The following TNK2 variants were observed in gnomAD, a reference collection of about 807,000 sequenced individuals.
TNK2 encodes the protein activated CDC42 kinase 1.
In TNK2, 83 loss-of-function variants were observed where a neutral mutation model predicts 101.8. The observed-to-expected ratio is 0.82, with a 90% CI of 0.68 to 0.98. The LOEUF (loss-of-function observed/expected upper bound fraction) is 0.98. Ranked by LOEUF, TNK2 falls within the 50% of genes least tolerant of loss-of-function variation. The pLI is 0.00. For synonymous variants in TNK2, 804 were observed against 633.0 expected (o/e 1.27, Z -4.06); for missense variants, 1,665 against 1,483.2 (o/e 1.12, Z -2.01).
intron 1 of TNK2, among the ~76,000 whole-genome samples, chr3:195,902,943 T>G (rs543183704): frequency 6.6e-6 from 1 of 151,834 alleles, no homozygotes; most frequent in Admixed American, 6.6e-5. Flanking sequence ...AGAGACAAGG[T>G]TTCACCATGT....
chr3:195,872,234 CGA>C, intron 10 of TNK2, 40 bp downstream of exon 10: 2 of 1,607,688 alleles, frequency 1.2e-6, no homozygotes, highest in South Asian at 2.2e-5. Context: ...CCTGGAGTCC[CGA>C]GCGGGGCCAG....
chr3:195,897,794 G>A (rs1177093089), intron 1 of TNK2, among the ~76,000 whole-genome samples: 6 of 119,798 alleles, frequency 5.0e-5, no homozygotes, highest in Admixed American at 3.6e-4. Context: ...GAGCCACTGC[G>A]CCTGCCCACC....
At chr3:195,892,423 TC>T (rs1213084620) in intron 1 of TNK2, 3 of 1,534,950 alleles carry the variant, frequency 2.0e-6, no homozygotes, top group Non-Finnish European at 2.6e-6. Context: ...TGTACAGGCG[TC>T]GCCGCAGTCT....
rs1274295834 is a variant in TNK2 at position 195,867,576 on chromosome 3, G to T, written c.2722C>A (p.Leu908Met). 1 of 1,581,692 alleles carries T rather than the reference G, an allele frequency of 6.3e-7. No individual in the cohort carries two copies. ...GCTGGGGTGCTGGGTGGGGGCAGCA[G>T]CAGAGGCACAGGCAGGGGGGTAGGC... ...EEPTPLPVPLLLPPPSTPAPA... is the reference protein window; with the variant it reads ...EEPTPLPVPLMLPPPSTPAPA... The change falls in exon 13 of 16, where the codon CTG becomes ATG. Residue 908 changes from leucine (L) to methionine (M), a missense_variant. This residue lies in a region of TNK2 where 1,136 missense variants were observed against 894.9 expected (regional missense o/e 1.27). Transcript: ENST00000672887.
rs1199343047 is a variant in TNK2, at chr3:195,863,658, C to G, written c.*523G>C. On this transcript the variant is annotated 3_prime_UTR_variant, in exon 16 of 16. Transcript: ENST00000672887. ...AGGCCAGCCAAGTCCCATTCAAGTC[C>G]ATGGTAAGGCCACAAGTCACATTCT... 1.3e-5 allele frequency: 2 copies of G among 154,418 alleles called. No homozygotes were observed. Among genetic ancestry groups the G allele is most frequent in the African/African-American group, 4.8e-5 (2 of 41,514 alleles). The allele number at this position is 154,418 out of a possible 1,614,324, so 9.6% of individuals were successfully genotyped here.
chr3:195,895,049 G>C (rs1009387905), intron 1 of TNK2, among the ~76,000 whole-genome samples: 3 of 152,178 alleles, frequency 2.0e-5, no homozygotes, highest in Non-Finnish European at 2.9e-5. Flanking sequence ...GGGGATCCAT[G>C]CACACACAGG....
intron 1 of TNK2, chr3:195,895,663 C>G: frequency 3.3e-6 from 4 of 1,208,062 alleles, no homozygotes; most frequent in Non-Finnish European, 4.2e-6. Context: ...CGGAACCGGG[C>G]TCCACTCAGC....
intron 1 of TNK2, chr3:195,892,580 C>G (rs1759016297): frequency 6.8e-7 from 1 of 1,475,286 alleles, no homozygotes; most frequent in Admixed American, 2.2e-5. Context: ...CCCCCAAATC[C>G]CACACCAGGG....
rs1005184626 is a variant in TNK2, at chr3:195,887,186, C to A, written c.164-139G>T. On this transcript the variant is annotated intron_variant, in intron 2 of 15. Coordinates refer to ENST00000672887, the MANE Select transcript of TNK2 (RefSeq NM_001382273.1). ...TAGCAATGAAATCAACCCCAACTAA[C>A]CCGGAGCCTCAACTGACCGACGGTC... 7 of 800,174 alleles carry A rather than the reference C, an allele frequency of 8.7e-6. No homozygotes were observed. The African/African-American group carries it at 1.0e-4, about 12-fold the overall frequency. The allele number at this position is 800,174 out of a possible 1,614,324, so 49.6% of individuals were successfully genotyped here. A position where few individuals can be genotyped will look rare whatever the true frequency, so the allele number is the denominator to read the frequency against.
intron 1 of TNK2, among the ~76,000 whole-genome samples, chr3:195,904,682 T>C (rs1761551380): frequency 6.6e-6 from 1 of 152,184 alleles, no homozygotes; most frequent in Non-Finnish European, 1.5e-5. Flanking sequence ...ATATTATGTA[T>C]ATTTTACCAC....
chr3:195,890,513 T>C (rs1757984380), intron 1 of TNK2, among the ~76,000 whole-genome samples: 1 of 150,060 alleles, frequency 6.7e-6, no homozygotes, highest in Non-Finnish European at 1.5e-5. Flanking sequence ...TACAATGGTA[T>C]GATCTTGGCT....
At chr3:195,879,877 A>T (rs1370371430) in intron 6 of TNK2, among the ~76,000 whole-genome samples, 4 of 152,142 alleles carry the variant, frequency 2.6e-5, no homozygotes, top group African/African-American at 9.7e-5. Flanking sequence ...CGCCCACTTC[A>T]TCGTGCTGTT....
intron 1 of TNK2, among the ~76,000 whole-genome samples, chr3:195,906,212 T>C (rs969832324): frequency 1.3e-5 from 2 of 152,198 alleles, no homozygotes; most frequent in African/African-American, 2.4e-5. Context: ...AGAACTCTCA[T>C]ACACAGTGGA....
chr3:195,868,131 G>A lies in TNK2; in HGVS notation c.2167C>T (p.Gln723Ter), dbSNP rs1457427373. The change falls in exon 13 of 16, where the codon CAG becomes TAG. Residue 723 changes from glutamine (Q) to a stop codon, truncating the protein, a stop_gained. Coordinates refer to ENST00000672887, the MANE Select transcript of TNK2 (RefSeq NM_001382273.1). LOFTEE classifies it high-confidence loss of function. ...CTCATGCACTCCTGCTGTAGCGCCT[G>A]GAAGATCTCTGCGGTCTGTGCGGAG... ...PSSAQTAEIF[Q>*]ALQQECMRQL... 1 of 1,611,672 alleles carries A rather than the reference G, an allele frequency of 6.2e-7. No individual in the cohort carries two copies. The highest frequency in any genetic ancestry group is 8.5e-7 in the Non-Finnish European group (1 of 1,179,510).
At position 195,868,178 on chromosome 3, in the gene TNK2, TG is replaced by T; in HGVS notation, c.2119del (p.Gln707ArgfsTer24). 1 of 1,609,868 alleles carries T rather than the reference TG, an allele frequency of 6.2e-7. No homozygotes were observed. Among genetic ancestry groups the T allele is most frequent in the Non-Finnish European group, 8.5e-7 (1 of 1,178,834 alleles). On this transcript the variant is annotated frameshift_variant, in exon 13 of 16. Coordinates refer to ENST00000672887, the MANE Select transcript of TNK2 (RefSeq NM_001382273.1). LOFTEE classifies it high-confidence loss of function. Reference sequence around the variant, plus strand: ...GGAGCTGGGCGGCTTGCCCCCACCCTGGGGCGGGAGGAACAGGTTGTCCTCC... The same window carrying T: ...GGAGCTGGGCGGCTTGCCCCCACCCTGGGCGGGAGGAACAGGTTGTCCTCC... ...PLEDNLFLPP[Q>X]GGGKPPSSAQ...
chr3:195,889,943 A>G (rs535626726), intron 1 of TNK2, among the ~76,000 whole-genome samples: 1 of 152,182 alleles, frequency 6.6e-6, no homozygotes, highest in Non-Finnish European at 1.5e-5. Context: ...CCTCCTCCCC[A>G]GCTCCCATCA....
At position 195,864,071 on chromosome 3, in the gene TNK2, G is replaced by T; in HGVS notation, c.*110C>A. ...TGGCCTTGCTCCATCCCCGGGAGCA[G>T]CAGGAGCAGCGGGTCCTCCAGGACT... On this transcript the variant is annotated 3_prime_UTR_variant, in exon 16 of 16. Coordinates refer to ENST00000672887, the MANE Select transcript of TNK2 (RefSeq NM_001382273.1). 1.4e-6 allele frequency: 2 copies of T among 1,475,330 alleles called. No individual in the cohort carries two copies. Among genetic ancestry groups the T allele is most frequent in the Non-Finnish European group, 1.9e-6 (2 of 1,065,450 alleles). 91.4% of individuals were successfully genotyped at this position (1,475,330 alleles called of 1,614,324 possible). A position where few individuals can be genotyped will look rare whatever the true frequency, so the allele number is the denominator to read the frequency against.
chr3:195,883,201 G>A lies in TNK2; in HGVS notation c.565C>T (p.Leu189Phe), dbSNP rs1475943349. The change falls in exon 5 of 16, where the codon CTC (leucine) becomes TTC (phenylalanine). Residue 189 changes from leucine to phenylalanine, a missense_variant. By Grantham distance (22) the Leu-to-Phe change is conservative. Coordinates refer to ENST00000672887, the MANE Select transcript of TNK2 (RefSeq NM_001382273.1). ...AGCACCACCCCGTAGAGGCGGATGA[G>A]GTTTCGGTGGTCGAGCGAGTGCATG... ...NAMHSLDHRN[L>F]IRLYGVVLTP... is the part of the protein sequence containing the mutation. 6 of 1,610,026 alleles carry A rather than the reference G, an allele frequency of 3.7e-6. No individual in the cohort carries two copies. Among genetic ancestry groups the A allele is most frequent in the Non-Finnish European group, 5.1e-6 (6 of 1,180,006 alleles).
rs1387615483 is a variant in TNK2 at position 195,868,634 on chromosome 3, G to C, written c.1664C>G (p.Pro555Arg). Residue 555 changes from proline (P) to arginine (R), a missense_variant, in exon 13 of 16, where the codon CCA becomes CGA. By Grantham distance (103) the Pro-to-Arg change is moderately radical. Coordinates refer to ENST00000672887, the MANE Select transcript of TNK2 (RefSeq NM_001382273.1). ...CAGCCACAGCCCTCGGGGCAGGCCTGGCTTCCGCAGGCCCAGCCTCTTGAA... is the reference window on the plus strand; with the variant it reads ...CAGCCACAGCCCTCGGGGCAGGCCTCGCTTCCGCAGGCCCAGCCTCTTGAA... ...SDFKRLGLRKPGLPRGLWLAK... is the reference protein window; with the variant it reads ...SDFKRLGLRKRGLPRGLWLAK... The C allele has an allele frequency of 6.3e-7, 1 of 1,593,300 alleles. No individual in the cohort carries two copies. The highest frequency in any genetic ancestry group is 1.3e-5 in the African/African-American group (1 of 74,454).
Sources: allele counts gnomAD v4.1 joint callset (sites outside exome capture counted in the v4.1 genomes callset), GRCh38; gene constraint gnomAD v4.1.1; regional missense constraint gnomAD v4.1.1; transcripts MANE v1.5; gene names NCBI Gene and HGNC (gene_info 2026-07-23, HGNC 2026-07-21).